The following SCN11A variants were observed in gnomAD, a reference collection of about 807,000 sequenced individuals.
SCN11A encodes sodium channel protein type 11 subunit alpha.
Under a neutral mutation model 162.2 loss-of-function variants are expected in SCN11A, and 122 were observed. The observed-to-expected ratio is 0.75, with a 90% CI of 0.65 to 0.87. SCN11A has a LOEUF of 0.87. SCN11A is among the 40% of genes least tolerant of loss of function. The pLI is 0.00. For synonymous variants in SCN11A, 758 were observed against 751.5 expected (o/e 1.01, Z -0.14); for missense variants, 2,015 against 2,181.6 (o/e 0.92, Z 1.52).
chr3:38,943,577 G>A (rs1225111132), intron 7 of SCN11A, among the ~76,000 whole-genome samples: 1 of 152,104 alleles, frequency 6.6e-6, no homozygotes, highest in Non-Finnish European at 1.5e-5. Flanking sequence ...TAATTCATAT[G>A]TCTGAAAAGC....
chr3:38,992,570 C>A (rs2030486142), intron 2 of SCN11A, among the ~76,000 whole-genome samples: 1 of 152,180 alleles, frequency 6.6e-6, no homozygotes. Flanking sequence ...ACTCATGTAT[C>A]AACAAAAGGA....
chr3:38,949,060 C>A (rs2125575913), intron 5 of SCN11A, among the ~76,000 whole-genome samples: 1 of 152,342 alleles, frequency 6.6e-6, no homozygotes. Flanking sequence ...GAAGTACATG[C>A]AAATCAGGCA....
intron 29 of SCN11A, among the ~76,000 whole-genome samples, chr3:38,848,924 T>C (rs943685715): frequency 6.6e-6 from 1 of 152,174 alleles, no homozygotes; most frequent in Admixed American, 6.5e-5. Context: ...GGCTAAAGCG[T>C]TGGACGGCAG....
intron 7 of SCN11A, among the ~76,000 whole-genome samples, chr3:38,940,899 C>A (rs1483144598): frequency 1.3e-5 from 2 of 152,114 alleles, no homozygotes; most frequent in Non-Finnish European, 2.9e-5. Context: ...AGTAGCTGGG[C>A]AAACCCTCCC....
chr3:39,017,628 C>G (rs768197630), intron 2 of SCN11A, among the ~76,000 whole-genome samples: 4 of 152,020 alleles, frequency 2.6e-5, no homozygotes, highest in Non-Finnish European at 5.9e-5. Flanking sequence ...CTCTCTCTTT[C>G]CTCTCTTTTG....
chr3:38,940,602 C>T (rs2066428265), intron 7 of SCN11A, among the ~76,000 whole-genome samples: 1 of 152,160 alleles, frequency 6.6e-6, no homozygotes, highest in Non-Finnish European at 1.5e-5. Context: ...AATGGATAGA[C>T]ATCTGGGACG....
At position 38,880,249 on chromosome 3, in the gene SCN11A, G is replaced by A; in HGVS notation, c.3220-126C>T. The A allele has an allele frequency of 6.2e-6, 4 of 640,926 alleles. No individual in the cohort carries two copies. In the East Asian group the frequency reaches 1.1e-4, roughly 18 times the overall value. 39.7% of individuals were successfully genotyped at this position (640,926 alleles called of 1,614,324 possible). On this transcript the variant is annotated intron_variant, in intron 22 of 29. Transcript: ENST00000302328. ...GTATCTCTCTTCGTAATGAGGTTCT[G>A]CTCAAAAGATATTAAGGCTAAACTT... is the stretch of plus-strand genomic sequence containing the variant.
At chr3:39,022,944 T>C (rs936275735) in intron 2 of SCN11A, among the ~76,000 whole-genome samples, 3 of 152,108 alleles carry the variant, frequency 2.0e-5, no homozygotes, top group Non-Finnish European at 4.4e-5. Flanking sequence ...TGTGCAACAA[T>C]TGGAAACTTT....
intron 2 of SCN11A, among the ~76,000 whole-genome samples, chr3:39,004,656 A>G (rs1469809453): frequency 6.6e-6 from 1 of 152,170 alleles, no homozygotes; most frequent in Non-Finnish European, 1.5e-5. Context: ...ATCCATGAGC[A>G]GGTAATGTTT....
At chr3:39,033,320 TTAC>T (rs1157495961) in intron 1 of SCN11A, among the ~76,000 whole-genome samples, 1 of 151,138 alleles carries the variant, frequency 6.6e-6, no homozygotes, top group Non-Finnish European at 1.5e-5. Flanking sequence ...CTTTTTATAT[TTAC>T]TACATTTTTG....
At chr3:39,042,957 CAAAA>C (rs561204433) in intron 1 of SCN11A, among the ~76,000 whole-genome samples, 1 of 66,030 alleles carries the variant, frequency 1.5e-5, no homozygotes, top group South Asian at 6.8e-4. Flanking sequence ...AACTCCATCT[CAAAA>C]AAAAAAAAAA....
At chr3:38,955,322 T>C (rs986899280) in intron 3 of SCN11A, among the ~76,000 whole-genome samples, 1 of 151,952 alleles carries the variant, frequency 6.6e-6, no homozygotes, top group Non-Finnish European at 1.5e-5. Context: ...ACTGCAAAAA[T>C]TGACCCAGGA....
intron 2 of SCN11A, among the ~76,000 whole-genome samples, chr3:38,961,727 T>C (rs1427664335): frequency 6.6e-6 from 1 of 152,284 alleles, no homozygotes; most frequent in East Asian, 1.9e-4. Flanking sequence ...TCTGATAGGA[T>C]TGTTTGGGTT....
At chr3:38,902,126 A>G (rs753065404) in intron 16 of SCN11A, among the ~76,000 whole-genome samples, 2 of 152,180 alleles carry the variant, frequency 1.3e-5, no homozygotes, top group Non-Finnish European at 2.9e-5. Flanking sequence ...TCTACAACTT[A>G]TTCAGTAACT....
At chr3:38,881,798 G>A (rs1337422073) in intron 22 of SCN11A, among the ~76,000 whole-genome samples, 2 of 152,154 alleles carry the variant, frequency 1.3e-5, no homozygotes, top group Non-Finnish European at 2.9e-5. Flanking sequence ...GGCACCCTCT[G>A]CATTGTGTGT....
intron 28 of SCN11A, among the ~76,000 whole-genome samples, chr3:38,852,284 C>A (rs1287880671): frequency 1.3e-5 from 2 of 152,124 alleles, no homozygotes; most frequent in African/African-American, 2.4e-5. Flanking sequence ...CAGGAGAAGA[C>A]ACTAGAAAGT....
chr3:38,865,636 T>C (rs1195563429), intron 27 of SCN11A, among the ~76,000 whole-genome samples: 2 of 152,062 alleles, frequency 1.3e-5, no homozygotes, highest in African/African-American at 4.8e-5. Flanking sequence ...AATAACAAGA[T>C]TGGGAGTTTG....
At chr3:39,034,478 C>T (rs2031849675) in intron 1 of SCN11A, among the ~76,000 whole-genome samples, 1 of 152,104 alleles carries the variant, frequency 6.6e-6, no homozygotes, top group Non-Finnish European at 1.5e-5. Context: ...AAGCCATATA[C>T]AACAGACCTA....
At chr3:38,868,213 G>C (rs1483368740) in intron 26 of SCN11A, among the ~76,000 whole-genome samples, 1 of 152,134 alleles carries the variant, frequency 6.6e-6, no homozygotes, top group Admixed American at 6.5e-5. Context: ...TATAAGTGCT[G>C]ATAGCTCTGA....
Sources: gnomAD v4.1 joint callset for allele counts (sites outside exome capture counted in the v4.1 genomes callset) on GRCh38, gnomAD v4.1.1 for gene constraint, MANE v1.5 for transcripts, NCBI Gene and HGNC (gene_info 2026-07-23, HGNC 2026-07-21) for gene names.